Variants in CSMD1 observed in about 807,000 individuals in gnomAD.
The protein encoded by CSMD1 is CUB and Sushi multiple domains 1, also known as CUB and sushi domain-containing protein 1.
A neutral mutation model predicts 417.5 loss-of-function variants in CSMD1; 213 were observed. The ratio of observed to expected loss-of-function variants is 0.51; its 90% CI spans 0.46 to 0.57. The LOEUF (loss-of-function observed/expected upper bound fraction) is 0.57. Among genes scored for constraint, CSMD1 ranks in the 20% least tolerant of loss-of-function variants. The probability of loss-of-function intolerance (pLI) is 0.00; values close to 1 mark genes in which losing one functional copy is unlikely to be tolerated. For missense variants in CSMD1, 6,923 were observed against 4,529.7 expected (o/e 1.53, Z -15.17); for synonymous variants, 2,862 against 1,736.8 (o/e 1.65, Z -16.11).
intron 7 of CSMD1, among the ~76,000 whole-genome samples, chr8:3,643,421 G>T (rs549781257): frequency 2.0e-5 from 3 of 151,666 alleles, no homozygotes; most frequent in South Asian, 2.1e-4. Flanking sequence ...GCCTCCTCTG[G>T]GCCGGACGCC....
chr8:3,070,282 C>A (rs1417159741), intron 49 of CSMD1, among the ~76,000 whole-genome samples: 1 of 152,228 alleles, frequency 6.6e-6, no homozygotes, highest in Non-Finnish European at 1.5e-5. Context: ...TGCTCCACAG[C>A]CTTCTTGAAC....
At chr8:4,492,318 C>T (rs550338112) in intron 2 of CSMD1, among the ~76,000 whole-genome samples, 13 of 152,170 alleles carry the variant, frequency 8.5e-5, no homozygotes, top group African/African-American at 2.4e-4. Context: ...TCAAACTCCT[C>T]GCCTCAGGTG....
chr8:3,837,641 G>T (rs567767587), intron 5 of CSMD1, among the ~76,000 whole-genome samples: 1 of 152,262 alleles, frequency 6.6e-6, no homozygotes, highest in African/African-American at 2.4e-5. Flanking sequence ...TCTGCGGATT[G>T]TAAGAAAATC....
At chr8:4,738,905 G>GTGTCTGTGTGTGTGTA (rs1554464192) in intron 1 of CSMD1, among the ~76,000 whole-genome samples, 4 of 150,814 alleles carry the variant, frequency 2.7e-5, no homozygotes, top group African/African-American at 9.7e-5. Context: ...CTGTGTGTTT[G>GTGTCTGTGTGTGTGTA]TGTGTGTGTG....
intron 1 of CSMD1, among the ~76,000 whole-genome samples, chr8:4,834,901 G>A (rs528722489): frequency 7.8e-6 from 1 of 128,400 alleles, no homozygotes; most frequent in East Asian, 2.6e-4. Flanking sequence ...AGCTTGCAGT[G>A]ATCTGAGATG....
chr8:3,821,518 C>G (rs1177607874), intron 5 of CSMD1, among the ~76,000 whole-genome samples: 1 of 152,054 alleles, frequency 6.6e-6, no homozygotes, highest in African/African-American at 2.4e-5. Context: ...TGCGGTGGCT[C>G]ACGCCTGTAA....
chr8:4,548,159 T>G (rs917122340), intron 2 of CSMD1, among the ~76,000 whole-genome samples: 1 of 152,168 alleles, frequency 6.6e-6, no homozygotes, highest in Non-Finnish European at 1.5e-5. Flanking sequence ...TGTCTAGGAT[T>G]GGAGACTCCT....
intron 12 of CSMD1, among the ~76,000 whole-genome samples, chr8:3,443,177 A>C (rs1815098764): frequency 6.6e-6 from 1 of 152,178 alleles, no homozygotes; most frequent in Non-Finnish European, 1.5e-5. Flanking sequence ...TGCTGCAAAA[A>C]AATGTGAGAG....
At chr8:4,053,355 A>T (rs1412791272) in intron 3 of CSMD1, among the ~76,000 whole-genome samples, 3 of 152,058 alleles carry the variant, frequency 2.0e-5, no homozygotes, top group African/African-American at 7.2e-5. Flanking sequence ...TTTTACTATT[A>T]TTCTAAATTC....
At position 4,622,208 on chromosome 8, in the gene CSMD1, T is replaced by G. The variant is rs141900490; in HGVS notation, c.302+15134A>C. On this transcript the variant is annotated intron_variant, in intron 2 of 69. Transcript: ENST00000635120. ...AAAAAGAATGGCAGACATATTGACC[T>G]GACATTACCTGGAGGCTCAGGCAGA... Among the ~76,000 whole-genome samples, 622 of 149,640 alleles carry G rather than the reference T, an allele frequency of 4.2e-3. 8 individuals are homozygous for G. The Middle Eastern group carries it at 0.053, about 13-fold the overall frequency.
At chr8:3,930,212 G>A (rs944689459) in intron 5 of CSMD1, among the ~76,000 whole-genome samples, 11 of 150,106 alleles carry the variant, frequency 7.3e-5, no homozygotes, top group African/African-American at 1.2e-4. Flanking sequence ...GATTCTATAC[G>A]TGACAAGTAA....
At chr8:3,904,639 CT>C (rs11395103) in intron 5 of CSMD1, among the ~76,000 whole-genome samples, 1,768 of 133,036 alleles carry the variant, frequency 0.013, 26 homozygotes, top group African/African-American at 0.045. Flanking sequence ...CGTTTTCTTT[CT>C]TTTTTTTTTT....
chr8:4,120,002 T>C (rs190582740), intron 3 of CSMD1, among the ~76,000 whole-genome samples: 7 of 152,228 alleles, frequency 4.6e-5, no homozygotes, highest in Admixed American at 2.6e-4. Context: ...GATAGCACAA[T>C]AGGGTGACGG....
intron 18 of CSMD1, among the ~76,000 whole-genome samples, chr8:3,383,921 A>C (rs1810798336): frequency 6.6e-6 from 1 of 152,194 alleles, no homozygotes; most frequent in African/African-American, 2.4e-5. Flanking sequence ...TAACTGCCAT[A>C]ATATGGATGG....
chr8:4,005,466 C>G (rs1040731100), intron 4 of CSMD1, among the ~76,000 whole-genome samples: 2 of 152,032 alleles, frequency 1.3e-5, no homozygotes, highest in African/African-American at 4.8e-5. Context: ...ACATGGTGGC[C>G]GACATGAACA....
intron 5 of CSMD1, among the ~76,000 whole-genome samples, chr8:3,969,146 A>C (rs1365488211): frequency 1.3e-5 from 2 of 152,054 alleles, no homozygotes; most frequent in South Asian, 4.2e-4. Flanking sequence ...ACTACTCGAG[A>C]GGCTGAGGGA....
At chr8:3,680,467 C>T (rs1017660742) in intron 7 of CSMD1, among the ~76,000 whole-genome samples, 9 of 152,182 alleles carry the variant, frequency 5.9e-5, no homozygotes, top group African/African-American at 2.2e-4. Flanking sequence ...GACACATACA[C>T]CCTCCCAAGA....
At chr8:3,687,544 C>G (rs1344607048) in intron 7 of CSMD1, among the ~76,000 whole-genome samples, 1 of 152,182 alleles carries the variant, frequency 6.6e-6, no homozygotes, top group Non-Finnish European at 1.5e-5. Context: ...CAGATATTCT[C>G]TGTGTAAATG....
intron 2 of CSMD1, among the ~76,000 whole-genome samples, chr8:4,470,656 C>A (rs1361442893): frequency 6.6e-6 from 1 of 152,124 alleles, no homozygotes; most frequent in African/African-American, 2.4e-5. Context: ...AGTGAGATTT[C>A]TAAACGGCCA....
Sources: gnomAD v4.1 joint callset for allele counts (sites outside exome capture counted in the v4.1 genomes callset) on GRCh38, gnomAD v4.1.1 for gene constraint, MANE v1.5 for transcripts, NCBI Gene and HGNC (gene_info 2026-07-23, HGNC 2026-07-21) for gene names.